The following LPP variants were observed in gnomAD, a reference collection of about 807,000 sequenced individuals.
LPP encodes LIM domain containing preferred translocation partner in lipoma.
A neutral mutation model predicts 60.4 loss-of-function variants in LPP; 38 were observed. The observed-to-expected ratio is 0.63, with a 90% CI of 0.49 to 0.83. LPP has a LOEUF of 0.83. Among genes scored for constraint, LPP ranks in the 40% least tolerant of loss-of-function variants. The probability of loss-of-function intolerance (pLI) is 0.00; values close to 1 mark genes in which losing one functional copy is unlikely to be tolerated. For missense variants in LPP, 902 were observed against 783.6 expected (o/e 1.15, Z -1.80); for synonymous variants, 328 against 290.8 (o/e 1.13, Z -1.30).
At chr3:188,353,998 T>G (rs1186277513) in intron 3 of LPP, among the ~76,000 whole-genome samples, 1 of 152,030 alleles carries the variant, frequency 6.6e-6, no homozygotes, top group Non-Finnish European at 1.5e-5. Flanking sequence ...GATGCAGGAA[T>G]TTTTAAATGC....
chr3:188,612,749 T>C (rs919483897), intron 7 of LPP, among the ~76,000 whole-genome samples: 9 of 152,140 alleles, frequency 5.9e-5, no homozygotes, highest in Non-Finnish European at 1.0e-4. Flanking sequence ...TCTGGGGAGT[T>C]TGGCATTTAA....
At chr3:188,563,724 T>G (rs1458017524) in intron 6 of LPP, among the ~76,000 whole-genome samples, 2 of 116,482 alleles carry the variant, frequency 1.7e-5, no homozygotes, top group Non-Finnish European at 3.8e-5. Flanking sequence ...TTGTGTTTTT[T>G]TTTGTTTTTT....
At chr3:188,445,639 T>A (rs530550780) in intron 4 of LPP, among the ~76,000 whole-genome samples, 145 of 146,210 alleles carry the variant, frequency 9.9e-4, no homozygotes, top group South Asian at 1.9e-3. Context: ...AAGTATAATT[T>A]AAAAAAAAAA....
intron 2 of LPP, among the ~76,000 whole-genome samples, chr3:188,336,992 C>T (rs1007649192): frequency 1.3e-5 from 2 of 152,120 alleles, no homozygotes; most frequent in African/African-American, 2.4e-5. Flanking sequence ...TACTGGGGTG[C>T]GTGACCGCTC....
Position 188,876,748 on chromosome 3 carries a change from AAAG to A in LPP, c.*2278_*2280del, listed in dbSNP as rs1381528414. 2.7e-5 allele frequency: 5 copies of A among 186,568 alleles called. No individual in the cohort carries two copies. The highest frequency in any genetic ancestry group is 3.4e-5 in the Non-Finnish European group (3 of 88,214). 11.6% of individuals were successfully genotyped at this position (186,568 alleles called of 1,614,324 possible). A position where few individuals can be genotyped will look rare whatever the true frequency, so the allele number is the denominator to read the frequency against. ...GGTCATATTATTATTAATTTTGCCA[AAAG>A]AAGAAGAATTTATTGAATATTTATA... On this transcript the variant is annotated 3_prime_UTR_variant, in exon 12 of 12. Coordinates refer to ENST00000617246, the MANE Select transcript of LPP (RefSeq NM_001375462.1).
At chr3:188,615,307 A>T (rs1385648971) in intron 7 of LPP, among the ~76,000 whole-genome samples, 1 of 152,082 alleles carries the variant, frequency 6.6e-6, no homozygotes, top group African/African-American at 2.4e-5. Context: ...TCCTTCCCCA[A>T]ATAAAATCTA....
chr3:188,792,959 A>G (rs1432494610), intron 9 of LPP, among the ~76,000 whole-genome samples: 2 of 152,108 alleles, frequency 1.3e-5, no homozygotes, highest in Non-Finnish European at 2.9e-5. Context: ...CAGAATCTTG[A>G]AGCTTCCGCA....
chr3:188,869,807 C>G (rs1339539296), intron 10 of LPP, among the ~76,000 whole-genome samples: 2 of 152,214 alleles, frequency 1.3e-5, no homozygotes, highest in Admixed American at 6.5e-5. Flanking sequence ...TCTACATAAA[C>G]ACCTTTGGTC....
chr3:188,716,729 T>G (rs897706845), intron 8 of LPP, among the ~76,000 whole-genome samples: 1 of 152,198 alleles, frequency 6.6e-6, no homozygotes, highest in Non-Finnish European at 1.5e-5. Context: ...AAAGTCTTTG[T>G]AAAATTCTAG....
In LPP at chr3:188,278,973, G is replaced by A. The variant is rs117671014; in HGVS notation, c.-67+53446G>A. 1.1e-3 allele frequency among the ~76,000 whole-genome samples: 161 copies of A among 152,252 alleles called. 3 individuals are homozygous for A. Among genetic ancestry groups the A allele is most frequent in the Admixed American group, 7.3e-3 (111 of 15,296 alleles). On this transcript the variant is annotated intron_variant, in intron 2 of 11. Coordinates refer to ENST00000617246, the MANE Select transcript of LPP (RefSeq NM_001375462.1). ...TTCCCATGATTTATTAGCTGTTCTTGTTTTTAATAGCCCCTGGAGGTACAT... is the reference window on the plus strand; with the variant it reads ...TTCCCATGATTTATTAGCTGTTCTTATTTTTAATAGCCCCTGGAGGTACAT...
At chr3:188,873,888 T>G (rs1768817999) in intron 11 of LPP, among the ~76,000 whole-genome samples, 1 of 152,136 alleles carries the variant, frequency 6.6e-6, no homozygotes, top group Non-Finnish European at 1.5e-5. Context: ...CAGACATCAG[T>G]CTACCTTTGC....
chr3:188,587,039 G>C (rs1400057474), intron 6 of LPP, among the ~76,000 whole-genome samples: 1 of 151,302 alleles, frequency 6.6e-6, no homozygotes, highest in African/African-American at 2.4e-5. Flanking sequence ...CTTAAGTGTT[G>C]TTTTAAAGAA....
chr3:188,637,945 A>G, intron 7 of LPP, among the ~76,000 whole-genome samples: 1 of 149,090 alleles, frequency 6.7e-6, no homozygotes, highest in East Asian at 2.0e-4. Flanking sequence ...ACAAGGAGGA[A>G]CTGGTACCAT....
chr3:188,598,373 C>T (rs919566359), intron 6 of LPP, among the ~76,000 whole-genome samples: 14 of 151,978 alleles, frequency 9.2e-5, no homozygotes, highest in African/African-American at 1.5e-4. Context: ...TACACATATA[C>T]GTGTGTATGT....
In LPP at chr3:188,288,872, C is replaced by T. The variant is rs1243037216; in HGVS notation, c.-66-52791C>T. ...AGCTAGCAACTGTATCAGGAAAGCA[C>T]TTGTGATTACCATCTGTTAAGGACC... On this transcript the variant is annotated intron_variant, in intron 2 of 11. Transcript: ENST00000617246. Among the ~76,000 whole-genome samples, 3 of 127,056 alleles carry T rather than the reference C, an allele frequency of 2.4e-5. No individual in the cohort carries two copies. The Admixed American group carries it at 2.9e-4, about 12-fold the overall frequency. 83.4% of individuals were successfully genotyped at this position (127,056 alleles called of 152,430 possible). A position where few individuals can be genotyped will look rare whatever the true frequency, so the allele number is the denominator to read the frequency against.
At chr3:188,871,539 C>T (rs1020584781) in intron 10 of LPP, among the ~76,000 whole-genome samples, 21 of 152,244 alleles carry the variant, frequency 1.4e-4, no homozygotes, top group African/African-American at 4.3e-4. Flanking sequence ...CTTTGACAAC[C>T]GTAACGTGCT....
At chr3:188,622,023 T>G (rs999673103) in intron 7 of LPP, among the ~76,000 whole-genome samples, 1 of 152,290 alleles carries the variant, frequency 6.6e-6, no homozygotes, top group South Asian at 2.1e-4. Context: ...TGGGCACAGG[T>G]GAAAGATGAA....
intron 9 of LPP, among the ~76,000 whole-genome samples, chr3:188,799,850 A>C (rs1746480729): frequency 6.6e-6 from 1 of 152,156 alleles, no homozygotes. Context: ...CTTTTCTAGT[A>C]AAAAATCAAG....
intron 1 of LPP, among the ~76,000 whole-genome samples, chr3:188,187,290 G>A (rs558522644): frequency 1.3e-5 from 2 of 151,990 alleles, no homozygotes; most frequent in African/African-American, 4.8e-5. Flanking sequence ...CATGTGCTGT[G>A]GTTTCATTTC....
Sources: allele counts gnomAD v4.1 joint callset (sites outside exome capture counted in the v4.1 genomes callset), GRCh38; gene constraint gnomAD v4.1.1; transcripts MANE v1.5; gene names NCBI Gene and HGNC (gene_info 2026-07-23, HGNC 2026-07-21).